DTNA: variants seen among roughly 807,000 people sequenced by gnomAD.
The protein encoded by DTNA is dystrophin-related protein 3.
In DTNA, 43 loss-of-function variants were observed where a neutral mutation model predicts 100.7. The ratio of observed to expected loss-of-function variants is 0.43; its 90% CI spans 0.33 to 0.55. The LOEUF (loss-of-function observed/expected upper bound fraction) is 0.55, where lower values mean the gene tolerates loss of function less well. DTNA is among the 20% of genes least tolerant of loss of function. DTNA has a pLI of 0.04. For missense variants in DTNA, 798 were observed against 953.9 expected (o/e 0.84, Z 2.15); for synonymous variants, 349 against 347.9 (o/e 1.00, Z -0.04).
At position 34,766,049 on chromosome 18, in the gene DTNA, T is replaced by A. The variant is rs201756674; in HGVS notation, c.148+8T>A. On this transcript the variant is annotated splice_region_variant and intron_variant, in intron 3 of 22. Transcript: ENST00000444659. ...TTCAGAAGAAATGCAATTGTAAGTA[T>A]GCCAGTTGTTTGGACTAATTACCAT... 2 of 1,613,518 alleles carry A rather than the reference T, an allele frequency of 1.2e-6. No individual in the cohort carries two copies. The highest frequency in any genetic ancestry group is 1.7e-6 in the Non-Finnish European group (2 of 1,179,552).
At position 34,556,695 on chromosome 18, in the gene DTNA, G is replaced by A. The variant is rs563954945; in HGVS notation, c.-2+63181G>A. The stretch of plus-strand genomic sequence containing the variant: ...CTTTTCTTTAAGAATGTTGAATATC[G>A]GCCCCCACTCTCTTCTGGCTTGTAG... On this transcript the variant is annotated intron_variant, in intron 1 of 19. Coordinates refer to the DTNA transcript ENST00000283365. Among the ~76,000 whole-genome samples the A allele has an allele frequency of 4.3e-3, 639 of 150,300 alleles. 6 individuals are homozygous for A. The highest frequency in any genetic ancestry group is 0.014 in the African/African-American group (589 of 40,864).
chr18:34,753,899 G>A (rs930307460), intron 1 of DTNA, among the ~76,000 whole-genome samples: 1 of 152,178 alleles, frequency 6.6e-6, no homozygotes, highest in Non-Finnish European at 1.5e-5. Context: ...ATTAGGAAGG[G>A]AGTGTTTTTT....
intron 1 of DTNA, among the ~76,000 whole-genome samples, chr18:34,666,250 C>T (rs1284678046): frequency 4.6e-5 from 7 of 151,784 alleles, no homozygotes; most frequent in Non-Finnish European, 1.0e-4. Context: ...ATATCCTTCA[C>T]CCACTTTTTG....
chr18:34,530,968 C>T (rs184611224), intron 1 of DTNA, among the ~76,000 whole-genome samples: 1 of 152,220 alleles, frequency 6.6e-6, no homozygotes, highest in East Asian at 1.9e-4. Flanking sequence ...TTACAAGCTA[C>T]AGGTGCTTCA....
chr18:34,698,514 C>T (rs2080918495), intron 1 of DTNA, among the ~76,000 whole-genome samples: 2 of 152,196 alleles, frequency 1.3e-5, no homozygotes, highest in Non-Finnish European at 2.9e-5. Flanking sequence ...TCTCTTTTTA[C>T]ATTCTCTCCT....
intron 19 of DTNA, among the ~76,000 whole-genome samples, chr18:34,878,202 T>C (rs547046551): frequency 2.0e-5 from 3 of 152,278 alleles, no homozygotes; most frequent in African/African-American, 7.2e-5. Context: ...GGTCTCAAAC[T>C]CCTGGCCTCA....
At chr18:34,867,574 GT>G in intron 17 of DTNA, 1 of 1,078,878 alleles carries the variant, frequency 9.3e-7, no homozygotes, top group Non-Finnish European at 1.1e-6. Context: ...TATTTAGCAT[GT>G]GCATAGAAAA....
chr18:34,789,236 A>G (rs1555796428), intron 3 of DTNA, among the ~76,000 whole-genome samples: 1 of 152,176 alleles, frequency 6.6e-6, no homozygotes, highest in Non-Finnish European at 1.5e-5. Context: ...AGACAAAAAT[A>G]CCACCATCCC....
intron 15 of DTNA, 107 bp downstream of exon 15, chr18:34,852,035 A>T: frequency 9.3e-7 from 1 of 1,072,798 alleles, no homozygotes; most frequent in Non-Finnish European, 1.4e-6. Context: ...ATGGCTACTC[A>T]AGGGAAGACA....
intron 9 of DTNA, chr18:34,821,180 G>A (rs562873684): frequency 2.9e-5 from 17 of 586,696 alleles, no homozygotes; most frequent in Middle Eastern, 5.3e-4. Context: ...TATAAAATAC[G>A]GATGTTAGTG....
At chr18:34,883,288 A>T (rs983106760) in intron 21 of DTNA, among the ~76,000 whole-genome samples, 1 of 151,174 alleles carries the variant, frequency 6.6e-6, no homozygotes, top group Non-Finnish European at 1.5e-5. Flanking sequence ...AGTTTTCTGC[A>T]CATTCTTTTG....
intron 1 of DTNA, among the ~76,000 whole-genome samples, chr18:34,594,133 C>T (rs1386287806): frequency 3.3e-5 from 5 of 150,748 alleles, no homozygotes; most frequent in African/African-American, 1.2e-4. Flanking sequence ...AGCAGGTTCC[C>T]CTCCTTCAGG....
rs1297980810 is a variant in DTNA, at chr18:34,889,131, T to A, written c.*1397T>A. The A allele has an allele frequency of 3.1e-6, 3 of 966,152 alleles. No individual in the cohort carries two copies. The highest frequency in any genetic ancestry group is 3.6e-6 in the Non-Finnish European group (3 of 826,918). 59.8% of individuals were successfully genotyped at this position (966,152 alleles called of 1,614,324 possible). A position where few individuals can be genotyped will look rare whatever the true frequency, so the allele number is the denominator to read the frequency against. On this transcript the variant is annotated 3_prime_UTR_variant, in exon 23 of 23. Transcript: ENST00000444659. ...TCTTCTACTTGCTTCAAGATTTGAT[T>A]TTTTTAAAAAAGCCTGCGACCTATT...
intron 22 of DTNA, among the ~76,000 whole-genome samples, chr18:34,886,427 A>G (rs2096922114): frequency 6.6e-6 from 1 of 152,212 alleles, no homozygotes; most frequent in Admixed American, 6.5e-5. Context: ...CAGTTATAAC[A>G]AATTTAGTCC....
At chr18:34,706,261 G>A (rs915275888), upstream of DTNA, among the ~76,000 whole-genome samples, 1 of 152,128 alleles carries the variant, frequency 6.6e-6, no homozygotes, top group Non-Finnish European at 1.5e-5. Context: ...AATTTTTAAT[G>A]TATGAAGAAA....
chr18:34,690,249 T>C (rs1424467724), intron 1 of DTNA, among the ~76,000 whole-genome samples: 1 of 152,204 alleles, frequency 6.6e-6, no homozygotes, highest in Non-Finnish European at 1.5e-5. Flanking sequence ...CCTCATTTTG[T>C]GCTTGAAACC....
At chr18:34,856,468 A>C (rs1375895206) in intron 15 of DTNA, among the ~76,000 whole-genome samples, 1 of 152,216 alleles carries the variant, frequency 6.6e-6, no homozygotes, top group Non-Finnish European at 1.5e-5. Flanking sequence ...CCTTTGGTGG[A>C]GCCAGTCAGG....
chr18:34,652,237 A>AG (rs2060542589), intron 1 of DTNA, among the ~76,000 whole-genome samples: 1 of 152,180 alleles, frequency 6.6e-6, no homozygotes. Flanking sequence ...GATCACCAGA[A>AG]GGAATAGCAT....
intron 1 of DTNA, among the ~76,000 whole-genome samples, chr18:34,627,968 G>C (rs1030242036): frequency 6.6e-6 from 1 of 151,980 alleles, no homozygotes; most frequent in African/African-American, 2.4e-5. Flanking sequence ...GTTGTTGTTG[G>C]GGGGTAGAGA....
Sources: allele counts gnomAD v4.1 joint callset (sites outside exome capture counted in the v4.1 genomes callset), GRCh38; gene constraint gnomAD v4.1.1; transcripts MANE v1.5; gene names NCBI Gene and HGNC (gene_info 2026-07-23, HGNC 2026-07-21).